The following CTNNA3 variants were observed in gnomAD, a reference collection of about 807,000 sequenced individuals.
CTNNA3 encodes catenin alpha-3.
CTNNA3 carries 76 observed loss-of-function variants against 95.7 expected under a neutral mutation model. The ratio of observed to expected loss-of-function variants is 0.79; its 90% CI spans 0.66 to 0.96. The LOEUF (loss-of-function observed/expected upper bound fraction) is 0.96. Among genes scored for constraint, CTNNA3 ranks in the 40% least tolerant of loss-of-function variants. The probability of loss-of-function intolerance (pLI) is 0.00; values close to 1 mark genes in which losing one functional copy is unlikely to be tolerated. For missense variants in CTNNA3, 1,191 were observed against 1,089.8 expected (o/e 1.09, Z -1.31); for synonymous variants, 431 against 374.4 (o/e 1.15, Z -1.74).
intron 11 of CTNNA3, among the ~76,000 whole-genome samples, chr10:66,397,600 G>T (rs989499890): frequency 1.3e-5 from 2 of 151,592 alleles, no homozygotes; most frequent in South Asian, 2.1e-4. Flanking sequence ...TATTTTGTGA[G>T]GTGTAGAGAA....
At chr10:67,072,457 T>C (rs114272409) in intron 7 of CTNNA3, among the ~76,000 whole-genome samples, 2,008 of 152,318 alleles carry the variant, frequency 0.013, 49 homozygotes, top group African/African-American at 0.045. Context: ...TATTGTATGA[T>C]AGAAATTAGT....
intron 7 of CTNNA3, among the ~76,000 whole-genome samples, chr10:67,046,565 A>T (rs1252314946): frequency 6.6e-6 from 1 of 152,208 alleles, no homozygotes; most frequent in Non-Finnish European, 1.5e-5. Flanking sequence ...CCTTTTTCTC[A>T]GAATCAATTA....
At chr10:66,780,788 T>C (rs868749134) in intron 7 of CTNNA3, among the ~76,000 whole-genome samples, 2 of 152,322 alleles carry the variant, frequency 1.3e-5, no homozygotes, top group African/African-American at 2.4e-5. Flanking sequence ...AATAGAGAAA[T>C]AGAAGACTGG....
rs148529954 is a variant in CTNNA3, at chr10:66,081,554, G to A, written c.1978-12065C>T. Among the ~76,000 whole-genome samples the A allele has an allele frequency of 2.6e-3, 396 of 152,090 alleles. 6 individuals are homozygous for A. The highest frequency in any genetic ancestry group is 9.1e-3 in the African/African-American group (377 of 41,514). Reference sequence around the variant, plus strand: ...TCTATATCAAAGGTTGGACAATTTGGTCAGTGAAATAAGGTTAAACTCCAT... The same window carrying A: ...TCTATATCAAAGGTTGGACAATTTGATCAGTGAAATAAGGTTAAACTCCAT... On this transcript the variant is annotated intron_variant, in intron 14 of 17. Coordinates refer to ENST00000433211, the MANE Select transcript of CTNNA3 (RefSeq NM_013266.4).
At chr10:65,925,563 A>G (rs1476426968) in intron 17 of CTNNA3, among the ~76,000 whole-genome samples, 2 of 152,086 alleles carry the variant, frequency 1.3e-5, no homozygotes, top group Middle Eastern at 3.2e-3. Flanking sequence ...CAGCTCCCCA[A>G]GTAGCTGGCA....
intron 9 of CTNNA3, among the ~76,000 whole-genome samples, chr10:66,700,590 C>T (rs1368718146): frequency 6.6e-6 from 1 of 152,032 alleles, no homozygotes; most frequent in Non-Finnish European, 1.5e-5. Flanking sequence ...ATTTTTCTTT[C>T]TCAAGATTGT....
chr10:66,030,157 C>A (rs2079421797), intron 15 of CTNNA3, among the ~76,000 whole-genome samples: 1 of 152,084 alleles, frequency 6.6e-6, no homozygotes, highest in Non-Finnish European at 1.5e-5. Flanking sequence ...AAGCAATCTA[C>A]AGATTCAACA....
chr10:66,214,881 T>G (rs963396210), intron 13 of CTNNA3, among the ~76,000 whole-genome samples: 3 of 151,910 alleles, frequency 2.0e-5, no homozygotes, highest in Non-Finnish European at 2.9e-5. Context: ...ATAAAGAATT[T>G]CCCTCAAACT....
At chr10:67,739,130 C>A (rs1182840667) in intron 1 of CTNNA3, among the ~76,000 whole-genome samples, 3 of 152,066 alleles carry the variant, frequency 2.0e-5, no homozygotes, top group Non-Finnish European at 2.9e-5. Context: ...AACTCCAAGA[C>A]ACATAATTGT....
At chr10:66,157,289 G>C (rs1173664244) in intron 13 of CTNNA3, among the ~76,000 whole-genome samples, 1 of 151,918 alleles carries the variant, frequency 6.6e-6, no homozygotes, top group Non-Finnish European at 1.5e-5. Context: ...GAGAACATTT[G>C]ATGTTTGGTT....
intron 10 of CTNNA3, among the ~76,000 whole-genome samples, chr10:66,587,863 T>TGCTTCAC (rs1248568688): frequency 3.9e-5 from 6 of 152,190 alleles, no homozygotes; most frequent in Non-Finnish European, 1.5e-5. Flanking sequence ...CCCCTTCTGG[T>TGCTTCAC]CTACCTGTGA....
rs1211245436 is a variant in CTNNA3, at chr10:65,988,711, G to A, written c.2246C>T (p.Ala749Val). Residue 749 changes from alanine (A) to valine (V), a missense_variant, in exon 16 of 18, where the codon GCT (alanine) becomes GTT (valine). Coordinates refer to ENST00000433211, the MANE Select transcript of CTNNA3 (RefSeq NM_013266.4). ...ACTCACCTGATTAGCAATCTGCCGA[G>A]CAAGGACATCCATCCTTGATCCTGA... ...SESGSRMDVLARQIANQCPDP... is the reference protein window; with the variant it reads ...SESGSRMDVLVRQIANQCPDP... The A allele has an allele frequency of 6.2e-7, 1 of 1,613,138 alleles. No homozygotes were observed. Among genetic ancestry groups the A allele is most frequent in the Admixed American group, 1.7e-5 (1 of 59,992 alleles).
intron 2 of CTNNA3, among the ~76,000 whole-genome samples, chr10:67,615,532 T>A (rs1227747120): frequency 6.6e-6 from 1 of 152,246 alleles, no homozygotes; most frequent in Non-Finnish European, 1.5e-5. Flanking sequence ...CATTCATTTA[T>A]TCAACAAATA....
rs374960637 is a variant in CTNNA3 at position 67,051,554 on chromosome 10, G to A, written c.1047+128763C>T. ...GGCTCACTGCAACCTCCGCCTTCCA[G>A]GTTCAAGCGATTCTCCTGCCTCAAT... On this transcript the variant is annotated intron_variant, in intron 7 of 17. Transcript: ENST00000433211. 8.1e-4 allele frequency among the ~76,000 whole-genome samples: 123 copies of A among 151,066 alleles called. 5 individuals are homozygous for A. In the East Asian group the frequency reaches 0.023, roughly 28 times the overall value.
Position 67,572,967 on chromosome 10 carries a change from C to T in CTNNA3, c.293-33298G>A, listed in dbSNP as rs961690134. 2.0e-5 allele frequency among the ~76,000 whole-genome samples: 3 copies of T among 152,098 alleles called. No homozygotes were observed. In the South Asian group the frequency reaches 6.2e-4, roughly 32 times the overall value. ...AGCTTGGCATGGTGGTGCACACCTA[C>T]AGTCCCAGCTACTCAGGAGGCTGAG... On this transcript the variant is annotated intron_variant, in intron 3 of 17. Coordinates refer to ENST00000433211, the MANE Select transcript of CTNNA3 (RefSeq NM_013266.4).
At chr10:66,122,570 C>A (rs887255208) in intron 13 of CTNNA3, among the ~76,000 whole-genome samples, 1 of 152,082 alleles carries the variant, frequency 6.6e-6, no homozygotes, top group Non-Finnish European at 1.5e-5. Context: ...CCAAAGACAT[C>A]TTGAAGAAGT....
At chr10:66,942,733 T>A (rs1848073973) in intron 7 of CTNNA3, among the ~76,000 whole-genome samples, 1 of 152,116 alleles carries the variant, frequency 6.6e-6, no homozygotes, top group Non-Finnish European at 1.5e-5. Context: ...CAAGAGAACA[T>A]GCTATTGTTA....
chr10:67,752,463 A>G (rs1380252124), intron 1 of CTNNA3, among the ~76,000 whole-genome samples: 2 of 152,144 alleles, frequency 1.3e-5, no homozygotes, highest in Non-Finnish European at 2.9e-5. Context: ...TCAACATAGT[A>G]TGGAAGTTCT....
rs567859529 is a variant in CTNNA3, at chr10:66,113,840, C to T, written c.1885-10591G>A. On this transcript the variant is annotated intron_variant, in intron 13 of 17. Coordinates refer to ENST00000433211, the MANE Select transcript of CTNNA3 (RefSeq NM_013266.4). ...CTTTTTAAACTTCCTTTATGCAGGA[C>T]TATGTAGGATGATGTGAGGGTTCTT... is the stretch of plus-strand genomic sequence containing the variant. 2.8e-4 allele frequency among the ~76,000 whole-genome samples: 43 copies of T among 152,246 alleles called. No individual in the cohort carries two copies. The South Asian group carries it at 7.7e-3, about 27-fold the overall frequency.
Sources: allele counts gnomAD v4.1 joint callset (sites outside exome capture counted in the v4.1 genomes callset), GRCh38; gene constraint gnomAD v4.1.1; transcripts MANE v1.5; gene names NCBI Gene and HGNC (gene_info 2026-07-23, HGNC 2026-07-21).